Variants in KAZN observed in about 807,000 individuals in gnomAD.
KAZN encodes the protein kazrin, periplakin interacting protein.
KAZN carries 40 observed loss-of-function variants against 87.4 expected under a neutral mutation model. The ratio of observed to expected loss-of-function variants is 0.46; its 90% CI spans 0.36 to 0.60. KAZN has a LOEUF of 0.60. Ranked by LOEUF, KAZN falls within the 20% of genes least tolerant of loss-of-function variation. KAZN has a pLI of 0.00. For synonymous variants in KAZN, 466 were observed against 458.3 expected (o/e 1.02, Z -0.22); for missense variants, 898 against 1,073.9 (o/e 0.84, Z 2.29).
intron 1 of KAZN, among the ~76,000 whole-genome samples, chr1:14,120,832 G>A (rs1313215429): frequency 6.6e-6 from 1 of 152,150 alleles, no homozygotes; most frequent in Non-Finnish European, 1.5e-5. Flanking sequence ...TCTGACTTAG[G>A]GAGAATTTGA....
chr1:14,617,337 A>G (rs1417937783), intron 1 of KAZN, among the ~76,000 whole-genome samples: 2 of 152,242 alleles, frequency 1.3e-5, no homozygotes, highest in African/African-American at 4.8e-5. Context: ...TTAAGTGTAC[A>G]ATAGCATTCT....
Position 14,142,572 on chromosome 1 carries a change from G to A in KAZN, c.92-37863G>A, listed in dbSNP as rs1025524501. On this transcript the variant is annotated intron_variant, in intron 1 of 16. Transcript: ENST00000636203. ...AATGTGCCAGATTTGTACATTCCTC[G>A]TATCCCTGCCAAGACTCCTGAGTGA... 6.6e-5 allele frequency among the ~76,000 whole-genome samples: 10 copies of A among 152,204 alleles called. 1 individual carries two copies. The highest frequency in any genetic ancestry group is 1.3e-4 in the Non-Finnish European group (9 of 68,020).
Position 14,094,980 on chromosome 1 carries a change from T to C in KAZN, c.92-85455T>C, listed in dbSNP as rs558829355. ...TCAAATAAAAAGAAATTTGTGTCTT[T>C]AGGATGCTCACCCCATTCAAGGCCC... On this transcript the variant is annotated intron_variant, in intron 1 of 16. Coordinates refer to the KAZN transcript ENST00000636203. Among the ~76,000 whole-genome samples the C allele has an allele frequency of 1.6e-3, 245 of 152,308 alleles. 1 individual carries two copies. Among genetic ancestry groups the C allele is most frequent in the African/African-American group, 5.7e-3 (237 of 41,558 alleles).
intron 1 of KAZN, among the ~76,000 whole-genome samples, chr1:14,154,017 AT>A (rs932614708): frequency 6.6e-6 from 1 of 151,598 alleles, no homozygotes; most frequent in African/African-American, 2.4e-5. Context: ...AAATTTTAGG[AT>A]TTTTTTTCTA....
chr1:14,635,545 C>T (rs1247888899), intron 1 of KAZN, among the ~76,000 whole-genome samples: 4 of 152,166 alleles, frequency 2.6e-5, no homozygotes, highest in Admixed American at 2.0e-4. Context: ...TGTACTAACG[C>T]GATTACGATG....
chr1:14,266,713 C>T (rs1651502428), intron 2 of KAZN, among the ~76,000 whole-genome samples: 1 of 152,030 alleles, frequency 6.6e-6, no homozygotes, highest in Admixed American at 6.6e-5. Context: ...GACACTCGCA[C>T]CCCCCCACAC....
chr1:14,157,291 G>C (rs1317171756), intron 1 of KAZN, among the ~76,000 whole-genome samples: 1 of 152,156 alleles, frequency 6.6e-6, no homozygotes, highest in Non-Finnish European at 1.5e-5. Flanking sequence ...CACAGTTACA[G>C]TGTTATAATA....
At chr1:14,301,978 GCTCCCA>G (rs1403004277) in intron 2 of KAZN, among the ~76,000 whole-genome samples, 1 of 152,002 alleles carries the variant, frequency 6.6e-6, no homozygotes, top group Non-Finnish European at 1.5e-5. Flanking sequence ...AATATCTACC[GCTCCCA>G]ATTGGACTCT....
chr1:14,000,541 G>A (rs1345296606), intron 1 of KAZN, among the ~76,000 whole-genome samples: 8 of 152,062 alleles, frequency 5.3e-5, no homozygotes, highest in Non-Finnish European at 1.2e-4. Flanking sequence ...GGCATTGATG[G>A]AACATATCTC....
In KAZN at chr1:14,821,252, G is replaced by A. The variant is rs116584374; in HGVS notation, c.227-139432G>A. 2.7e-3 allele frequency among the ~76,000 whole-genome samples: 418 copies of A among 152,162 alleles called. 1 individual carries two copies. The highest frequency in any genetic ancestry group is 4.4e-3 in the Non-Finnish European group (301 of 68,006). On this transcript the variant is annotated intron_variant, in intron 1 of 14. Transcript: ENST00000376030. ...AAGTGTCTTTCAAGAGGTAATTACC[G>A]CCTGTAATCCCAGTACTTTGGGAAG...
chr1:14,424,273 C>T (rs1490453653), intron 2 of KAZN, among the ~76,000 whole-genome samples: 1 of 152,204 alleles, frequency 6.6e-6, no homozygotes, highest in Non-Finnish European at 1.5e-5. Flanking sequence ...ATGATCATTA[C>T]ACTTCACGTA....
intron 2 of KAZN, among the ~76,000 whole-genome samples, chr1:14,538,072 C>T (rs767351605): frequency 1.8e-4 from 27 of 152,088 alleles, no homozygotes; most frequent in Non-Finnish European, 3.1e-4. Flanking sequence ...CATTGATGAC[C>T]GGCCAAGGAC....
At chr1:13,900,324 G>C (rs1248512580) in intron 1 of KAZN, among the ~76,000 whole-genome samples, 1 of 152,040 alleles carries the variant, frequency 6.6e-6, no homozygotes, top group African/African-American at 2.4e-5. Context: ...CTTTCCTCCA[G>C]CAGCCCCTCC....
chr1:14,480,099 C>T (rs1039967481), intron 2 of KAZN, among the ~76,000 whole-genome samples: 3 of 152,222 alleles, frequency 2.0e-5, no homozygotes, highest in Non-Finnish European at 2.9e-5. Context: ...CCCACAAGGA[C>T]GGAGACCAGA....
chr1:14,031,921 C>T (rs986260934), intron 1 of KAZN, among the ~76,000 whole-genome samples: 10 of 152,142 alleles, frequency 6.6e-5, no homozygotes, highest in Non-Finnish European at 2.9e-5. Flanking sequence ...ATCTTCATAC[C>T]CTTAACAGCT....
rs142460116 is a variant in KAZN at position 14,915,182 on chromosome 1, C to T, written c.227-45502C>T. 4.1e-3 allele frequency among the ~76,000 whole-genome samples: 619 copies of T among 152,112 alleles called. 3 individuals carry two copies. Among genetic ancestry groups the T allele is most frequent in the Middle Eastern group, 0.024 (7 of 292 alleles). On this transcript the variant is annotated intron_variant, in intron 1 of 14. Coordinates refer to ENST00000376030, the MANE Select transcript of KAZN (RefSeq NM_201628.3). Reference sequence around the variant, plus strand: ...AGCCTGGGCAACAAGAGCGAAACTCCGCCTCAAAAGAAAGAAAAAAAGAAA... The same window carrying T: ...AGCCTGGGCAACAAGAGCGAAACTCTGCCTCAAAAGAAAGAAAAAAAGAAA...
chr1:14,743,520 C>T (rs1350965935), intron 1 of KAZN, among the ~76,000 whole-genome samples: 1 of 151,984 alleles, frequency 6.6e-6, no homozygotes, highest in Non-Finnish European at 1.5e-5. Context: ...TTGATAGAAG[C>T]CCCAGTGCTT....
At chr1:14,326,671 C>T (rs1656448035) in intron 2 of KAZN, among the ~76,000 whole-genome samples, 1 of 152,226 alleles carries the variant, frequency 6.6e-6, no homozygotes, top group African/African-American at 2.4e-5. Context: ...CCTCTTTCCA[C>T]TCCCTGCATC....
At chr1:14,179,901 T>C (rs747050124) in intron 1 of KAZN, among the ~76,000 whole-genome samples, 1 of 152,182 alleles carries the variant, frequency 6.6e-6, no homozygotes, top group Non-Finnish European at 1.5e-5. Flanking sequence ...ATGGGAATTA[T>C]AGAGAAATAA....
Sources: gnomAD v4.1 joint callset for allele counts (sites outside exome capture counted in the v4.1 genomes callset) on GRCh38, gnomAD v4.1.1 for gene constraint, MANE v1.5 for transcripts, NCBI Gene and HGNC (gene_info 2026-07-23, HGNC 2026-07-21) for gene names.